Variants in DNAAF11 observed in about 807,000 individuals in gnomAD.
DNAAF11 encodes the protein leucine rich repeat containing 6.
Under a neutral mutation model 60.8 loss-of-function variants are expected in DNAAF11, and 45 were observed. The observed-to-expected ratio is 0.74, with a 90% CI of 0.58 to 0.95. The LOEUF is 0.95. DNAAF11 is among the 40% of genes least tolerant of loss of function. The pLI, the probability that DNAAF11 is intolerant of heterozygous loss-of-function variation, is 0.00. For synonymous variants in DNAAF11, 191 were observed against 183.5 expected (o/e 1.04, Z -0.33); for missense variants, 546 against 546.2 (o/e 1.00, Z 0.00).
At chr8:132,592,666 A>C (rs1563987515) in intron 10 of DNAAF11, among the ~76,000 whole-genome samples, 2 of 152,210 alleles carry the variant, frequency 1.3e-5, no homozygotes, top group Non-Finnish European at 2.9e-5. Flanking sequence ...CAAAGTATAT[A>C]TTGAAATAAA....
chr8:132,687,681 G>A, the DNAAF11 span: 1 of 456,258 alleles, frequency 2.2e-6, no homozygotes, highest in Non-Finnish European at 4.4e-6. Flanking sequence ...GGAAATGGAA[G>A]TTTAAGGGAT....
At chr8:132,593,342 T>C (rs1816667172) in intron 10 of DNAAF11, among the ~76,000 whole-genome samples, 1 of 142,926 alleles carries the variant, frequency 7.0e-6, no homozygotes, top group Non-Finnish European at 1.5e-5. Flanking sequence ...CATATATATA[T>C]ATATATATAT....
intron 10 of DNAAF11, 41 bp from the exon 11 acceptor site, chr8:132,583,820 C>T: frequency 4.1e-6 from 5 of 1,229,042 alleles, no homozygotes; most frequent in Non-Finnish European, 6.0e-6. Context: ...GTGCATTACT[C>T]CTTGATGTAC....
the DNAAF11 span, among the ~76,000 whole-genome samples, chr8:132,701,226 C>T: frequency 3.9e-5 from 6 of 152,236 alleles, no homozygotes; most frequent in Middle Eastern, 3.4e-3. Context: ...CACTGGGATA[C>T]AGAACAGGAC....
rs559666433 is a variant in DNAAF11 at position 132,581,703 on chromosome 8, A to C, written c.1226+1991T>G. On this transcript the variant is annotated intron_variant, in intron 11 of 11. Coordinates refer to ENST00000620350, the MANE Select transcript of DNAAF11 (RefSeq NM_012472.6). ...AAAAAAGAAGAAGAAGAAGAAGAACAAGCCTGAGGTTTCATAATCCTGGTT... is the reference window on the plus strand; with the variant it reads ...AAAAAAGAAGAAGAAGAAGAAGAACCAGCCTGAGGTTTCATAATCCTGGTT... Among the ~76,000 whole-genome samples, 537 of 151,482 alleles carry C rather than the reference A, an allele frequency of 3.5e-3. 9 individuals carry two copies. The highest frequency in any genetic ancestry group is 0.013 in the African/African-American group (518 of 41,180).
At position 132,632,862 on chromosome 8, in the gene DNAAF11, A is replaced by G; in HGVS notation, c.531T>C (p.Cys177=). The G allele has an allele frequency of 6.2e-7, 1 of 1,613,580 alleles. No individual in the cohort carries two copies. The highest frequency in any genetic ancestry group is 8.5e-7 in the Non-Finnish European group (1 of 1,179,638). Residue 177 remains cysteine, a synonymous_variant, in exon 5 of 12, where the codon TGT becomes TGC. Coordinates refer to ENST00000620350, the MANE Select transcript of DNAAF11 (RefSeq NM_012472.6). ...PQIREQEKDH[C]LKRAKLKEEA... The stretch of plus-strand genomic sequence containing the variant: ...CTTCCTTGAGTTTGGCTCGTTTAAG[A>G]CAGTGATCTTTTTCCTGCTCTCTGA...
At position 132,591,435 on chromosome 8, in the gene DNAAF11, GATA is replaced by G. The variant is rs534555516; in HGVS notation, c.1141-7659_1141-7657del. 1.0e-3 allele frequency among the ~76,000 whole-genome samples: 157 copies of G among 149,600 alleles called. 2 individuals are homozygous for G. In the East Asian group the frequency reaches 0.019, roughly 18 times the overall value. On this transcript the variant is annotated intron_variant, in intron 10 of 11. Coordinates refer to ENST00000620350, the MANE Select transcript of DNAAF11 (RefSeq NM_012472.6). ...AGCCATAAAATTTTTTTAAATGTTT[GATA>G]ATAAGATGAAAAATATAATATTTTA...
chr8:132,665,539 CAAT>C (rs1197958057), intron 1 of DNAAF11, among the ~76,000 whole-genome samples: 4 of 151,438 alleles, frequency 2.6e-5, no homozygotes, highest in South Asian at 4.2e-4. Flanking sequence ...ATTAAAACTA[CAAT>C]GAGATACCAT....
At position 132,581,966 on chromosome 8, in the gene DNAAF11, C is replaced by A. The variant is rs2733164; in HGVS notation, c.1226+1728G>T. Among the ~76,000 whole-genome samples the A allele has an allele frequency of 3.3e-3, 509 of 152,274 alleles. 5 individuals are homozygous for A. The highest frequency in any genetic ancestry group is 0.012 in the African/African-American group (484 of 41,550). The stretch of plus-strand genomic sequence containing the variant: ...CACTGATGACCTGATGAATAAAACC[C>A]TACTCCAGTTGCTCCTCCCCCTCCA... On this transcript the variant is annotated intron_variant, in intron 11 of 11. Coordinates refer to ENST00000620350, the MANE Select transcript of DNAAF11 (RefSeq NM_012472.6).
chr8:132,643,967 A>G (rs1300223604), intron 3 of DNAAF11, among the ~76,000 whole-genome samples: 1 of 152,186 alleles, frequency 6.6e-6, no homozygotes, highest in Non-Finnish European at 1.5e-5. Context: ...AAATGCTTTT[A>G]TATATTCTAG....
chr8:132,645,951 G>C (rs903751567), intron 3 of DNAAF11, among the ~76,000 whole-genome samples: 12 of 152,152 alleles, frequency 7.9e-5, no homozygotes, highest in African/African-American at 2.9e-4. Context: ...AACCTAGCAA[G>C]GTAGGACAAC....
chr8:132,595,082 A>G (rs201262063), intron 10 of DNAAF11, among the ~76,000 whole-genome samples: 1 of 152,096 alleles, frequency 6.6e-6, no homozygotes, highest in Non-Finnish European at 1.5e-5. Context: ...ACTGTGAGTC[A>G]ATTAAACCTC....
At chr8:132,663,209 C>T (rs571029971) in intron 1 of DNAAF11, among the ~76,000 whole-genome samples, 1 of 152,158 alleles carries the variant, frequency 6.6e-6, no homozygotes. Flanking sequence ...CTGCTGCCAG[C>T]ACCATTCAGC....
At chr8:132,597,028 G>C (rs1817081503) in intron 10 of DNAAF11, among the ~76,000 whole-genome samples, 1 of 152,134 alleles carries the variant, frequency 6.6e-6, no homozygotes, top group Non-Finnish European at 1.5e-5. Flanking sequence ...TGGGAAAAAG[G>C]GACAAAGCCC....
rs766745770 is a variant in DNAAF11, at chr8:132,572,028, T to C, written c.*278A>G. Reference sequence around the variant, plus strand: ...ATACTTTGCATAAGTAGACAGTATTTATAATCAGTGTTTTATGCAATAGTT... The same window carrying C: ...ATACTTTGCATAAGTAGACAGTATTCATAATCAGTGTTTTATGCAATAGTT... On this transcript the variant is annotated 3_prime_UTR_variant, in exon 12 of 12. Transcript: ENST00000620350. 2.0e-5 allele frequency: 6 copies of C among 302,578 alleles called. No homozygotes were observed. The allele number at this position is 302,578 out of a possible 1,614,324, so 18.7% of individuals were successfully genotyped here.
chr8:132,601,915 G>A (rs1315797723), intron 10 of DNAAF11, among the ~76,000 whole-genome samples: 1 of 151,964 alleles, frequency 6.6e-6, no homozygotes, highest in South Asian at 2.1e-4. Context: ...AGAACTTAAA[G>A]TATAATAATA....
rs1044977180 is a variant in DNAAF11 at position 132,626,144 on chromosome 8, C to T, written c.654-690G>A. Among the ~76,000 whole-genome samples, 166 of 152,066 alleles carry T rather than the reference C, an allele frequency of 1.1e-3. 3 individuals carry two copies. The highest frequency in any genetic ancestry group is 2.2e-4 in the Non-Finnish European group (15 of 67,980). On this transcript the variant is annotated intron_variant, in intron 5 of 11. Transcript: ENST00000620350. ...TCTGCTCACCGCAAGCTCCGCCTCT[C>T]GGGTTCACGCCATTCTCCTGCCTCA...
chr8:132,661,716 T>G lies in DNAAF11; in HGVS notation c.11-89A>C, dbSNP rs750451619. ...TGTTAACGCATTTGTGTTTTTTTTG[T>G]TTGTTTTTGCAGTTGAATGTCAATT... On this transcript the variant is annotated intron_variant, in intron 1 of 11. Coordinates refer to ENST00000620350, the MANE Select transcript of DNAAF11 (RefSeq NM_012472.6). 6 of 1,416,442 alleles carry G rather than the reference T, an allele frequency of 4.2e-6. No individual in the cohort carries two copies. In the South Asian group the frequency reaches 5.9e-5, roughly 14 times the overall value. 87.7% of individuals were successfully genotyped at this position (1,416,442 alleles called of 1,614,324 possible).
intron 3 of DNAAF11, 151 bp downstream of exon 3, chr8:132,656,679 T>G: frequency 2.2e-6 from 1 of 456,484 alleles, no homozygotes; most frequent in South Asian, 2.2e-5. Flanking sequence ...ATCATATTGG[T>G]CAGGCTGGTC....
Sources: gnomAD v4.1 joint callset for allele counts (sites outside exome capture counted in the v4.1 genomes callset) on GRCh38, gnomAD v4.1.1 for gene constraint, MANE v1.5 for transcripts, NCBI Gene and HGNC (gene_info 2026-07-23, HGNC 2026-07-21) for gene names.